Variants in RUNX1T1 observed in about 807,000 individuals in gnomAD.
RUNX1T1 encodes protein CBFA2T1.
A neutral mutation model predicts 62.8 loss-of-function variants in RUNX1T1; 4 were observed. That is an observed-to-expected ratio of 0.06 (90% CI 0.03 to 0.15). RUNX1T1 has a LOEUF of 0.15. Among genes scored for constraint, RUNX1T1 ranks in the 10% least tolerant of loss-of-function variants. The pLI is 1.00. For missense variants in RUNX1T1, 508 were observed against 754.3 expected, an observed-to-expected ratio of 0.67 and a Z score of 3.82; for synonymous variants, 291 against 286.0, an observed-to-expected ratio of 1.02 and a Z score of -0.18.
chr8:92,022,210 T>C (rs1201992834), intron 1 of RUNX1T1, among the ~76,000 whole-genome samples: 7 of 152,000 alleles, frequency 4.6e-5, no homozygotes, highest in Admixed American at 2.6e-4. Flanking sequence ...AGAAATCCAT[T>C]CCCTATATTA....
downstream of RUNX1T1, chr8:91,955,411 T>A (rs923150724): frequency 8.8e-6 from 2 of 227,724 alleles, no homozygotes; most frequent in East Asian, 6.3e-5. Flanking sequence ...AGAGTAACTA[T>A]GAAATTAAAT....
intron 1 of RUNX1T1, among the ~76,000 whole-genome samples, chr8:92,029,976 T>A (rs376319578): frequency 4.6e-5 from 7 of 152,206 alleles, no homozygotes; most frequent in African/African-American, 1.7e-4. Flanking sequence ...CTATTTAAAG[T>A]GTTTCAATGG....
At chr8:92,095,281 C>T in intron 1 of RUNX1T1, 2 of 1,517,674 alleles carry the variant, frequency 1.3e-6, no homozygotes, top group Non-Finnish European at 1.8e-6. Flanking sequence ...CTCCCCACGC[C>T]CCCCTTCCTC....
chr8:92,086,290 A>G (rs1014472984), intron 1 of RUNX1T1, among the ~76,000 whole-genome samples: 24 of 152,326 alleles, frequency 1.6e-4, no homozygotes, highest in Admixed American at 1.3e-3. Context: ...TATTTTACAA[A>G]CAAAGTCCAA....
intron 8 of RUNX1T1, among the ~76,000 whole-genome samples, chr8:91,983,746 A>G (rs1342260227): frequency 6.6e-6 from 1 of 152,200 alleles, no homozygotes; most frequent in Admixed American, 6.5e-5. Context: ...TCAACTCCAA[A>G]GCCTGGAAGA....
chr8:92,081,979 A>G (rs953236005), intron 1 of RUNX1T1, among the ~76,000 whole-genome samples: 2 of 152,022 alleles, frequency 1.3e-5, no homozygotes, highest in Non-Finnish European at 2.9e-5. Context: ...TCCGCCTCCC[A>G]GGTTCACGCC....
At chr8:92,049,948 T>G (rs928246138) in intron 1 of RUNX1T1, among the ~76,000 whole-genome samples, 1 of 152,226 alleles carries the variant, frequency 6.6e-6, no homozygotes, top group Non-Finnish European at 1.5e-5. Flanking sequence ...GAAAGGCTTA[T>G]GTCTAATAAC....
chr8:92,014,505 T>C, intron 3 of RUNX1T1, 74 bp downstream of exon 4: 1 of 1,306,914 alleles, frequency 7.7e-7, no homozygotes, highest in South Asian at 1.5e-5. Flanking sequence ...GCGAGAACGG[T>C]GTCTACATGT....
intron 10 of RUNX1T1, among the ~76,000 whole-genome samples, chr8:91,966,356 G>A (rs1447344845): frequency 6.6e-6 from 1 of 151,974 alleles, no homozygotes; most frequent in Non-Finnish European, 1.5e-5. Context: ...TTCCACTGAG[G>A]TTGGTATAAC....
exon 8 of RUNX1T1, chr8:91,986,149 G>A (rs375618467): frequency 1.4e-5 from 22 of 1,613,886 alleles, no homozygotes; most frequent in Admixed American, 3.3e-5. Flanking sequence ...CTGGGTTGAC[G>A]GGACTCTGCT....
chr8:92,072,971 T>C (rs373054810), intron 2 of RUNX1T1, among the ~76,000 whole-genome samples: 1 of 152,230 alleles, frequency 6.6e-6, no homozygotes, highest in Admixed American at 6.5e-5. Context: ...ACTACCTATA[T>C]ATCCCATTCC....
chr8:92,084,674 A>G (rs1835820747), intron 1 of RUNX1T1, among the ~76,000 whole-genome samples: 1 of 152,164 alleles, frequency 6.6e-6, no homozygotes, highest in African/African-American at 2.4e-5. Flanking sequence ...AATAAATTCT[A>G]TCTTTGGGGA....
At chr8:92,060,453 C>G (rs774530914) in intron 1 of RUNX1T1, among the ~76,000 whole-genome samples, 1 of 147,986 alleles carries the variant, frequency 6.8e-6, no homozygotes, top group Non-Finnish European at 1.5e-5. Context: ...TAAAAAAAGG[C>G]CCTAGATATG....
chr8:92,058,136 T>C (rs866076169), intron 1 of RUNX1T1, among the ~76,000 whole-genome samples: 1 of 152,102 alleles, frequency 6.6e-6, no homozygotes, highest in African/African-American at 2.4e-5. Flanking sequence ...AGGCCCTGTT[T>C]ACTTCTCTGC....
At chr8:92,094,444 T>C (rs1837488383) in intron 1 of RUNX1T1, among the ~76,000 whole-genome samples, 1 of 152,368 alleles carries the variant, frequency 6.6e-6, no homozygotes, top group Admixed American at 6.5e-5. Context: ...AAAGATTTCA[T>C]GGTTCAAATC....
chr8:92,038,597 A>G (rs1004888367), intron 1 of RUNX1T1, among the ~76,000 whole-genome samples: 2 of 152,186 alleles, frequency 1.3e-5, no homozygotes, highest in Non-Finnish European at 2.9e-5. Flanking sequence ...AACATGGTAC[A>G]GCCCCGGACA....
At chr8:92,043,568 TAACA>T (rs1419887611) in intron 1 of RUNX1T1, among the ~76,000 whole-genome samples, 4 of 152,064 alleles carry the variant, frequency 2.6e-5, no homozygotes, top group Non-Finnish European at 5.9e-5. Context: ...TCTTTTATAG[TAACA>T]AACATACAGA....
chr8:92,088,782 T>C (rs1836530933), intron 1 of RUNX1T1, among the ~76,000 whole-genome samples: 1 of 152,152 alleles, frequency 6.6e-6, no homozygotes. Context: ...TCTGACACTG[T>C]TTCCCTTCAT....
intron 10 of RUNX1T1, among the ~76,000 whole-genome samples, chr8:91,968,513 T>A (rs189222831): frequency 1.3e-4 from 20 of 152,304 alleles, no homozygotes; most frequent in Admixed American, 1.2e-3. Context: ...GAGATCTTTT[T>A]TTCCATCTTT....
Sources: gnomAD v4.1 joint callset for allele counts (sites outside exome capture counted in the v4.1 genomes callset) on GRCh38, gnomAD v4.1.1 for gene constraint, MANE v1.5 for transcripts, NCBI Gene and HGNC (gene_info 2026-07-23, HGNC 2026-07-21) for gene names.